SORCS3: variants seen among roughly 807,000 people sequenced by gnomAD.
The protein encoded by SORCS3 is sortilin related VPS10 domain containing receptor 3.
A neutral mutation model predicts 146.3 loss-of-function variants in SORCS3; 57 were observed. The ratio of observed to expected loss-of-function variants is 0.39; its 90% CI spans 0.31 to 0.49. The LOEUF (loss-of-function observed/expected upper bound fraction) is 0.49, where lower values mean the gene tolerates loss of function less well. SORCS3 is among the 20% of genes least tolerant of loss of function. The pLI is 0.92. For synonymous variants in SORCS3, 653 were observed against 618.5 expected (o/e 1.06, Z -0.83); for missense variants, 1,341 against 1,575.5 (o/e 0.85, Z 2.52).
intron 1 of SORCS3, among the ~76,000 whole-genome samples, chr10:104,701,046 C>A (rs889308009): frequency 6.6e-6 from 1 of 152,196 alleles, no homozygotes; most frequent in African/African-American, 2.4e-5. Context: ...GGAAAGTTTT[C>A]CATCTTGCAT....
At chr10:104,777,017 G>A (rs1180565969) in intron 1 of SORCS3, among the ~76,000 whole-genome samples, 1 of 151,730 alleles carries the variant, frequency 6.6e-6, no homozygotes, top group Non-Finnish European at 1.5e-5. Context: ...GGTGGTGGGG[G>A]GTGGAGGCTT....
At chr10:104,978,552 C>A (rs886725352) in intron 4 of SORCS3, among the ~76,000 whole-genome samples, 1 of 152,108 alleles carries the variant, frequency 6.6e-6, no homozygotes, top group Non-Finnish European at 1.5e-5. Flanking sequence ...AAATTAGAAA[C>A]CTAGGGAGTA....
At chr10:105,017,831 T>C (rs2055176720) in intron 4 of SORCS3, among the ~76,000 whole-genome samples, 1 of 152,176 alleles carries the variant, frequency 6.6e-6, no homozygotes, top group African/African-American at 2.4e-5. Context: ...CTGAGATCAT[T>C]TTTTATATTC....
At chr10:104,759,229 A>C (rs1486806853) in intron 1 of SORCS3, among the ~76,000 whole-genome samples, 1 of 152,196 alleles carries the variant, frequency 6.6e-6, no homozygotes, top group African/African-American at 2.4e-5. Flanking sequence ...GAGGCTGGAA[A>C]AGATAATTTA....
chr10:104,754,541 C>T (rs574001890), intron 1 of SORCS3, among the ~76,000 whole-genome samples: 4 of 152,164 alleles, frequency 2.6e-5, no homozygotes, highest in East Asian at 3.9e-4. Context: ...ACCCCCCTGG[C>T]GTTTTTGGTT....
chr10:105,112,029 A>C (rs2133757899), intron 7 of SORCS3, among the ~76,000 whole-genome samples: 1 of 152,326 alleles, frequency 6.6e-6, no homozygotes, highest in East Asian at 1.9e-4. Flanking sequence ...TGTTTTCTTT[A>C]ATTAAATCTA....
chr10:105,199,182 T>C (rs1275824127), intron 14 of SORCS3, among the ~76,000 whole-genome samples: 1 of 152,096 alleles, frequency 6.6e-6, no homozygotes, highest in Non-Finnish European at 1.5e-5. Flanking sequence ...ATGTCTTGCA[T>C]TGTAATTGCA....
At chr10:105,182,048 G>A (rs1396258707) in intron 14 of SORCS3, among the ~76,000 whole-genome samples, 1 of 151,710 alleles carries the variant, frequency 6.6e-6, no homozygotes, top group Admixed American at 6.6e-5. Flanking sequence ...GTTTTACAGG[G>A]GCCAAAGAGA....
At chr10:104,790,716 G>A (rs1280478476) in intron 1 of SORCS3, among the ~76,000 whole-genome samples, 1 of 152,182 alleles carries the variant, frequency 6.6e-6, no homozygotes, top group Non-Finnish European at 1.5e-5. Flanking sequence ...CAATTCAGCA[G>A]CTATTCTACT....
At chr10:104,909,762 G>A (rs906794878) in intron 2 of SORCS3, among the ~76,000 whole-genome samples, 1 of 151,734 alleles carries the variant, frequency 6.6e-6, no homozygotes, top group African/African-American at 2.4e-5. Flanking sequence ...AGGCTGACTT[G>A]GCTGCATCGA....
At chr10:105,238,409 A>C (rs749220216) in intron 20 of SORCS3, among the ~76,000 whole-genome samples, 2 of 152,200 alleles carry the variant, frequency 1.3e-5, no homozygotes, top group Non-Finnish European at 2.9e-5. Flanking sequence ...GGATATGCAG[A>C]CATTGTTGAT....
chr10:104,944,074 G>T (rs1246367937), intron 3 of SORCS3, among the ~76,000 whole-genome samples: 1 of 152,006 alleles, frequency 6.6e-6, no homozygotes, highest in Non-Finnish European at 1.5e-5. Context: ...AGCTATGTTT[G>T]GTTGCTTGAT....
chr10:105,082,576 A>G (rs1431255034), intron 5 of SORCS3, among the ~76,000 whole-genome samples: 1 of 152,210 alleles, frequency 6.6e-6, no homozygotes, highest in African/African-American at 2.4e-5. Context: ...TTATTTGCAC[A>G]CATGTGATGA....
intron 1 of SORCS3, among the ~76,000 whole-genome samples, chr10:104,768,691 T>G (rs1414607180): frequency 6.6e-6 from 1 of 152,238 alleles, no homozygotes; most frequent in Non-Finnish European, 1.5e-5. Flanking sequence ...CTTCTGCTGA[T>G]GGAGAATTTT....
chr10:104,779,103 A>G (rs898783091), intron 1 of SORCS3, among the ~76,000 whole-genome samples: 1 of 152,214 alleles, frequency 6.6e-6, no homozygotes, highest in East Asian at 1.9e-4. Flanking sequence ...TCATGAGTCA[A>G]GGAATGTCAC....
chr10:105,081,145 A>T (rs950392220), intron 5 of SORCS3, among the ~76,000 whole-genome samples: 3 of 152,196 alleles, frequency 2.0e-5, no homozygotes, highest in African/African-American at 7.2e-5. Context: ...ATCATTTTTA[A>T]ATTTAAAATC....
At chr10:105,191,377 A>T (rs1024105748) in intron 14 of SORCS3, among the ~76,000 whole-genome samples, 15 of 152,188 alleles carry the variant, frequency 9.9e-5, no homozygotes, top group African/African-American at 3.4e-4. Flanking sequence ...AAGTAAAAGG[A>T]ATAACCTACC....
intron 2 of SORCS3, among the ~76,000 whole-genome samples, chr10:104,880,323 C>T (rs2018618411): frequency 1.3e-5 from 2 of 152,212 alleles, no homozygotes; most frequent in Non-Finnish European, 2.9e-5. Context: ...AGTTTCCCTT[C>T]CCTCCTCAGT....
chr10:105,262,472 G>A lies in SORCS3; in HGVS notation c.3585G>A (p.Glu1195=), dbSNP rs371098881. Residue 1195 remains glutamate (E), a synonymous_variant, in exon 26 of 27, where the codon GAG becomes GAA. Transcript: ENST00000369701. ...FTEPEELLDK[E]LDTRVIGGIA... ...AGCCTGAGGAGCTGCTGGACAAAGA[G>A]CTGGACACGCGGGTCATAGGTACAT... The A allele has an allele frequency of 5.0e-6, 8 of 1,613,678 alleles. No homozygotes were observed. Among genetic ancestry groups the A allele is most frequent in the Non-Finnish European group, 6.8e-6 (8 of 1,179,902 alleles).
Sources: gnomAD v4.1 joint callset for allele counts (sites outside exome capture counted in the v4.1 genomes callset) on GRCh38, gnomAD v4.1.1 for gene constraint, MANE v1.5 for transcripts, NCBI Gene and HGNC (gene_info 2026-07-23, HGNC 2026-07-21) for gene names.